Variants in MAST3 observed in about 807,000 individuals in gnomAD.
MAST3 encodes microtubule-associated serine/threonine-protein kinase 3.
In MAST3, 43 loss-of-function variants were observed where a neutral mutation model predicts 127.0. The observed-to-expected ratio is 0.34, with a 90% CI of 0.27 to 0.44. The LOEUF is 0.44. Ranked by LOEUF, MAST3 falls within the 20% of genes least tolerant of loss-of-function variation. MAST3 has a pLI of 1.00. For synonymous variants in MAST3, 785 were observed against 809.2 expected, an observed-to-expected ratio of 0.97 and a Z score of 0.51; for missense variants, 1,390 against 1,919.1, an observed-to-expected ratio of 0.72 and a Z score of 5.15.
chr19:18,109,114 C>A (rs1335600554), intron 2 of MAST3, among the ~76,000 whole-genome samples: 1 of 152,134 alleles, frequency 6.6e-6, no homozygotes, highest in African/African-American at 2.4e-5. Flanking sequence ...GCATTCCAAG[C>A]AGCAGGAACA....
chr19:18,124,788 G>T lies in MAST3; in HGVS notation c.1078+14G>T, dbSNP rs201819181. 6 of 1,576,020 alleles carry T rather than the reference G, an allele frequency of 3.8e-6. No homozygotes were observed. Among genetic ancestry groups the T allele is most frequent in the East Asian group, 2.3e-5 (1 of 44,332 alleles). On this transcript the variant is annotated intron_variant, in intron 11 of 27. Transcript: ENST00000687212. ...ACCCCCTGGAGGGTAAGCCGGGATG[G>T]GAAGAGGAAACCAAGGCTGGGAAAG...
At chr19:18,123,778 C>A (rs11666281) in intron 8 of MAST3, 123 bp downstream of exon 8, 1 of 1,089,946 alleles carries the variant, frequency 9.2e-7, no homozygotes, top group Non-Finnish European at 1.3e-6. Flanking sequence ...TCTTTCCTTC[C>A]CCTTCCGTTG....
At chr19:18,113,844 C>T (rs1361867583) in intron 3 of MAST3, among the ~76,000 whole-genome samples, 4 of 152,192 alleles carry the variant, frequency 2.6e-5, no homozygotes, top group Admixed American at 6.5e-5. Context: ...GTGATCCACC[C>T]GCCTTGGCCT....
intron 15 of MAST3, among the ~76,000 whole-genome samples, chr19:18,133,549 A>ATTTT (rs3048882): frequency 1.6e-4 from 15 of 91,846 alleles, no homozygotes; most frequent in East Asian, 3.1e-4. Flanking sequence ...CGCCCAGCTA[A>ATTTT]TTTTTTTTTT....
intron 13 of MAST3, among the ~76,000 whole-genome samples, chr19:18,129,702 A>G (rs2041045534): frequency 6.6e-6 from 1 of 152,146 alleles, no homozygotes; most frequent in Non-Finnish European, 1.5e-5. Context: ...AGGTAGGAGG[A>G]TCGCTTGAGG....
At chr19:18,124,197 G>C (rs1392098703) in intron 9 of MAST3, 49 bp downstream of exon 9, 3 of 1,590,786 alleles carry the variant, frequency 1.9e-6, no homozygotes, top group African/African-American at 2.7e-5. Flanking sequence ...GGGACGTGGA[G>C]TGAGGGGGGT....
intron 1 of MAST3, chr19:18,098,877 C>T (rs558839531): frequency 8.9e-6 from 4 of 450,774 alleles, no homozygotes; most frequent in African/African-American, 8.0e-5. Flanking sequence ...GACGCCAGAG[C>T]AGCGGTGACC....
chr19:18,121,605 C>T (rs2147166838), intron 3 of MAST3, 80 bp from the exon 4 acceptor site: 5 of 1,199,864 alleles, frequency 4.2e-6, no homozygotes, highest in East Asian at 2.3e-5. Flanking sequence ...GAACGGGCTG[C>T]GAGTGTGATT....
In MAST3 at chr19:18,131,925, G is replaced by T. The variant is rs2041344514; in HGVS notation, c.1449G>T (p.Thr483=). The change falls in exon 15 of 28, where the codon ACG becomes ACT. Residue 483 remains threonine, a synonymous_variant. Coordinates refer to ENST00000687212, the MANE Select transcript of MAST3 (RefSeq NM_001393504.1). ...MEYVEGGDCA[T]LLKNMGPLPV... Reference sequence around the variant, plus strand: ...TTCTCCCAGGCGGCGACTGCGCCACGCTCCTGAAGAACATGGGCCCGCTGC... The same window carrying T: ...TTCTCCCAGGCGGCGACTGCGCCACTCTCCTGAAGAACATGGGCCCGCTGC... The T allele has an allele frequency of 6.2e-7, 1 of 1,602,592 alleles. No individual in the cohort carries two copies. The highest frequency in any genetic ancestry group is 1.7e-5 in the Admixed American group (1 of 57,962).
intron 3 of MAST3, among the ~76,000 whole-genome samples, chr19:18,115,150 A>G (rs1179056954): frequency 2.6e-5 from 4 of 152,040 alleles, no homozygotes; most frequent in Admixed American, 6.5e-5. Context: ...GAGCAGGGGG[A>G]AGGGCATGAT....
Position 18,110,719 on chromosome 19 carries a change from T to A in MAST3, c.139T>A (p.Ser47Thr). ...PSSPCSPCSP[S>T]LGLHPWSCRS... ...CAGCCCCTGCAGCCCCTGTAGCCCC[T>A]CCTTGGGCCTGCACCCCTGGAGGTA... The change falls in exon 3 of 28, where the codon TCC becomes ACC. Residue 47 changes from serine to threonine, a missense_variant. By Grantham distance (58) the Ser-to-Thr change is moderately conservative. Transcript: ENST00000687212. The surrounding 1 kb of genome is among the most constrained non-coding windows in gnomAD (Gnocchi z 4.3). 1.0e-6 allele frequency: 1 copy of A among 985,732 alleles called. No individual in the cohort carries two copies. Among genetic ancestry groups the A allele is most frequent in the Non-Finnish European group, 1.2e-6 (1 of 829,970 alleles). The allele number at this position is 985,732 out of a possible 1,614,324, so 61.1% of individuals were successfully genotyped here. A position where few individuals can be genotyped will look rare whatever the true frequency, so the allele number is the denominator to read the frequency against.
intron 13 of MAST3, 47 bp downstream of exon 13, chr19:18,128,998 G>T (rs1255093717): frequency 6.6e-7 from 1 of 1,522,288 alleles, no homozygotes; most frequent in Non-Finnish European, 9.1e-7. Context: ...ATGCCTGAGG[G>T]GATGGTTGAG....
chr19:18,101,882 CTTT>C (rs760652186), intron 1 of MAST3, among the ~76,000 whole-genome samples: 4 of 69,342 alleles, frequency 5.8e-5, no homozygotes, highest in African/African-American at 1.2e-4. Context: ...GCCTCAAACT[CTTT>C]TTTTTTTTTT....
intron 5 of MAST3, chr19:18,122,173 G>C: frequency 1.0e-6 from 1 of 970,412 alleles, no homozygotes. Flanking sequence ...GGGGGATATA[G>C]CCCTAAGAAT....
At position 18,135,758 on chromosome 19, in the gene MAST3, A is replaced by C. The variant is rs776550059; in HGVS notation, c.1889A>C (p.Glu630Ala). Residue 630 changes from glutamate to alanine, a missense_variant, in exon 18 of 28, where the codon GAG (glutamate) becomes GCG (alanine). This residue lies in a region of MAST3 where 191 missense variants were observed against 409.0 expected (regional missense o/e 0.47). Coordinates refer to ENST00000687212, the MANE Select transcript of MAST3 (RefSeq NM_001393504.1). ...ATTTTAGATGAGATCATGTGGCCAG[A>C]GGGAGATGAGGCCCTTCCAGCAGAC... ...QVVSDEIMWP[E>A]GDEALPADAQ... The C allele has an allele frequency of 1.9e-6, 3 of 1,612,038 alleles. No individual in the cohort carries two copies. Among genetic ancestry groups the C allele is most frequent in the Non-Finnish European group, 2.5e-6 (3 of 1,178,984 alleles).
Position 18,112,462 on chromosome 19 carries a change from G to T in MAST3, c.161+1721G>T, listed in dbSNP as rs1300121022. Among the ~76,000 whole-genome samples the T allele has an allele frequency of 2.6e-5, 4 of 152,134 alleles. No individual in the cohort carries two copies. Among genetic ancestry groups the T allele is most frequent in the African/African-American group, 7.2e-5 (3 of 41,408 alleles). The stretch of plus-strand genomic sequence containing the variant: ...TGATTCTCCTGCCTCAGCCTCCCAA[G>T]TAGCTGGGATTACAGGCACACACCA... On this transcript the variant is annotated intron_variant, in intron 3 of 27. Transcript: ENST00000687212. This position sits in a 1 kb window ranked among gnomAD's most constrained non-coding sequence, Gnocchi z 4.1.
intron 1 of MAST3, among the ~76,000 whole-genome samples, chr19:18,104,463 C>T (rs1599654157): frequency 6.6e-6 from 1 of 152,092 alleles, no homozygotes; most frequent in African/African-American, 2.4e-5. Flanking sequence ...GACCCTTCCC[C>T]GCCTCTCCCG....
rs1270402466 is a variant in MAST3, at chr19:18,144,486, C to A, written c.2605C>A (p.His869Asn). 2 of 1,580,822 alleles carry A rather than the reference C, an allele frequency of 1.3e-6. No individual in the cohort carries two copies. The highest frequency in any genetic ancestry group is 1.7e-6 in the Non-Finnish European group (2 of 1,165,834). ...TCTAGCCGACACAGCTGCTCTCAGC[C>A]ACGCCCGCCTACGGAGCAATAGCAT... Reference protein sequence around the residue: ...SLSADTAALSHARLRSNSIGA... With the variant: ...SLSADTAALSNARLRSNSIGA... The change falls in exon 23 of 28, where the codon CAC becomes AAC. Residue 869 changes from histidine to asparagine, a missense_variant. His to Asn is a moderately conservative substitution (Grantham distance 68, BLOSUM62 1). Coordinates refer to ENST00000687212, the MANE Select transcript of MAST3 (RefSeq NM_001393504.1). The surrounding 1 kb of genome is among the most constrained non-coding windows in gnomAD (Gnocchi z 4.0).
chr19:18,123,459 C>T, intron 7 of MAST3, 85 bp downstream of exon 7: 1 of 1,486,464 alleles, frequency 6.7e-7, no homozygotes, highest in Non-Finnish European at 9.0e-7. Flanking sequence ...TCACCCCAGC[C>T]CTGACCCTGC....
Sources: gnomAD v4.1 joint callset for allele counts (sites outside exome capture counted in the v4.1 genomes callset) on GRCh38, gnomAD v4.1.1 for gene constraint, gnomAD v4.1.1 regional missense constraint, Gnocchi (gnomAD v3.1) non-coding constraint, MANE v1.5 for transcripts, NCBI Gene and HGNC (gene_info 2026-07-23, HGNC 2026-07-21) for gene names.